SPTLC2: variants seen among roughly 807,000 people sequenced by gnomAD.
SPTLC2 encodes the protein serine palmitoyltransferase 2.
A neutral mutation model predicts 62.0 loss-of-function variants in SPTLC2; 21 were observed. The observed-to-expected ratio is 0.34, with a 90% CI of 0.24 to 0.49. The LOEUF (loss-of-function observed/expected upper bound fraction) is 0.49. Among genes scored for constraint, SPTLC2 ranks in the 20% least tolerant of loss-of-function variants. The probability of loss-of-function intolerance (pLI) is 0.99; values close to 1 mark genes in which losing one functional copy is unlikely to be tolerated. For missense variants in SPTLC2, 511 were observed against 713.0 expected (o/e 0.72, Z 3.23); for synonymous variants, 261 against 261.8 (o/e 1.00, Z 0.03).
At chr14:77,566,537 C>T (rs2079645894) in intron 5 of SPTLC2, among the ~76,000 whole-genome samples, 1 of 152,196 alleles carries the variant, frequency 6.6e-6, no homozygotes, top group Non-Finnish European at 1.5e-5. Flanking sequence ...GCAATCTCGG[C>T]TCACTGCAAG....
intron 1 of SPTLC2, among the ~76,000 whole-genome samples, chr14:77,608,241 A>G (rs1861942): frequency 0.41 from 62,602 of 152,072 alleles, 13,440 homozygotes; most frequent in East Asian, 0.63. Context: ...GTTTTAAACC[A>G]CTTGCAAACC....
At chr14:77,566,592 A>G (rs1449720152) in intron 5 of SPTLC2, among the ~76,000 whole-genome samples, 1 of 151,924 alleles carries the variant, frequency 6.6e-6, no homozygotes, top group Non-Finnish European at 1.5e-5. Flanking sequence ...CAGCCTCCCG[A>G]GTAGCTGGGA....
Position 77,564,237 on chromosome 14 carries a change from A to G in SPTLC2, c.757-1748T>C, listed in dbSNP as rs904461883. ...ACAGAGGGAGACTCTGTCTGGGGGG[A>G]AAAAAAAAAAAAAAAGGAGGAGGAG... On this transcript the variant is annotated intron_variant, in intron 5 of 11. Transcript: ENST00000216484. Among the ~76,000 whole-genome samples, 55 of 2,468 alleles carry G rather than the reference A, an allele frequency of 0.022. 1 individual carries two copies. In the East Asian group the frequency reaches 0.45, roughly 20 times the overall value. 1.6% of individuals were successfully genotyped at this position (2,468 alleles called of 152,430 possible). A position where few individuals can be genotyped will look rare whatever the true frequency, so the allele number is the denominator to read the frequency against.
intron 1 of SPTLC2, among the ~76,000 whole-genome samples, chr14:77,597,923 A>C (rs1253515772): frequency 1.3e-5 from 2 of 152,162 alleles, no homozygotes; most frequent in East Asian, 1.9e-4. Flanking sequence ...TGGGAGTTCA[A>C]GCCCAGCCTG....
At chr14:77,591,045 A>G (rs754237049) in intron 2 of SPTLC2, among the ~76,000 whole-genome samples, 2 of 152,220 alleles carry the variant, frequency 1.3e-5, no homozygotes, top group African/African-American at 2.4e-5. Context: ...GCTTCTTTGA[A>G]AGGTTTATTT....
chr14:77,510,995 G>C lies in SPTLC2; in HGVS notation c.*1289C>G, dbSNP rs2079329739. On this transcript the variant is annotated 3_prime_UTR_variant, in exon 12 of 12. Transcript: ENST00000216484. Reference sequence around the variant, plus strand: ...CTCTCTGAAAGAAGTCCCTTTACCTGGTTATAGTATGAAAACAGTCAAAAT... The same window carrying C: ...CTCTCTGAAAGAAGTCCCTTTACCTCGTTATAGTATGAAAACAGTCAAAAT... 6.6e-6 allele frequency: 1 copy of C among 152,550 alleles called. No homozygotes were observed. The highest frequency in any genetic ancestry group is 2.4e-5 in the African/African-American group (1 of 41,434). 9.4% of individuals were successfully genotyped at this position (152,550 alleles called of 1,614,324 possible). A position where few individuals can be genotyped will look rare whatever the true frequency, so the allele number is the denominator to read the frequency against.
chr14:77,586,648 A>G (rs2079783236), intron 2 of SPTLC2, among the ~76,000 whole-genome samples: 1 of 152,224 alleles, frequency 6.6e-6, no homozygotes, highest in African/African-American at 2.4e-5. Flanking sequence ...ACAAGCCACA[A>G]AAGAGGGATG....
chr14:77,538,617 C>T (rs916290429), intron 9 of SPTLC2, among the ~76,000 whole-genome samples: 7 of 152,140 alleles, frequency 4.6e-5, no homozygotes, highest in African/African-American at 1.7e-4. Context: ...GTTGCCCAGG[C>T]TGGAGTGCAG....
In SPTLC2 at chr14:77,506,961, C is replaced by T. The variant is rs1015873080; in HGVS notation, c.*5323G>A. ...TTAGGGTCAGTTTATTATAACTTAT[C>T]CTACCAGAAAGAATCACAGTTTAAG... On this transcript the variant is annotated 3_prime_UTR_variant, in exon 12 of 12. Transcript: ENST00000216484. 2 of 152,300 alleles carry T rather than the reference C, an allele frequency of 1.3e-5. No homozygotes were observed. The highest frequency in any genetic ancestry group is 4.8e-5 in the African/African-American group (2 of 41,558). 9.4% of individuals were successfully genotyped at this position (152,300 alleles called of 1,614,324 possible).
At chr14:77,567,384 T>G (rs1253150771) in intron 5 of SPTLC2, among the ~76,000 whole-genome samples, 1 of 152,250 alleles carries the variant, frequency 6.6e-6, no homozygotes, top group Non-Finnish European at 1.5e-5. Flanking sequence ...AATCCTCTAG[T>G]GTTAAAAATT....
chr14:77,506,826 C>T lies in SPTLC2; in HGVS notation c.*5458G>A, dbSNP rs2079308057. The T allele has an allele frequency of 6.6e-6, 1 of 152,246 alleles. No individual in the cohort carries two copies. Among genetic ancestry groups the T allele is most frequent in the Non-Finnish European group, 1.5e-5 (1 of 68,056 alleles). 9.4% of individuals were successfully genotyped at this position (152,246 alleles called of 1,614,324 possible). A position where few individuals can be genotyped will look rare whatever the true frequency, so the allele number is the denominator to read the frequency against. On this transcript the variant is annotated 3_prime_UTR_variant, in exon 12 of 12. Coordinates refer to ENST00000216484, the MANE Select transcript of SPTLC2 (RefSeq NM_004863.4). ...GAAAGCATAAGATCAAGGTACTGCTCTTATCTGCACCTTTCATTCAAGCTC... is the reference window on the plus strand; with the variant it reads ...GAAAGCATAAGATCAAGGTACTGCTTTTATCTGCACCTTTCATTCAAGCTC...
At chr14:77,560,202 C>T (rs568804245) in intron 6 of SPTLC2, among the ~76,000 whole-genome samples, 1 of 152,278 alleles carries the variant, frequency 6.6e-6, no homozygotes, top group East Asian at 1.9e-4. Flanking sequence ...AAAATTCATA[C>T]AAGATGCAAG....
At chr14:77,575,099 A>G (rs1268590307) in intron 4 of SPTLC2, among the ~76,000 whole-genome samples, 2 of 152,056 alleles carry the variant, frequency 1.3e-5, no homozygotes, top group Non-Finnish European at 2.9e-5. Flanking sequence ...GCGTGCACCT[A>G]TAGTCCTAAC....
At chr14:77,535,205 C>T (rs1490460782) in intron 9 of SPTLC2, among the ~76,000 whole-genome samples, 1 of 152,084 alleles carries the variant, frequency 6.6e-6, no homozygotes, top group Non-Finnish European at 1.5e-5. Flanking sequence ...AGGATTACAG[C>T]TGTGAGCCAC....
At chr14:77,604,149 T>C (rs1402727020) in intron 1 of SPTLC2, among the ~76,000 whole-genome samples, 1 of 152,244 alleles carries the variant, frequency 6.6e-6, no homozygotes, top group Non-Finnish European at 1.5e-5. Flanking sequence ...GTTGTGACTA[T>C]ATTTCCTGGA....
At position 77,600,644 on chromosome 14, in the gene SPTLC2, T is replaced by C. The variant is rs76911077; in HGVS notation, c.133-3264A>G. On this transcript the variant is annotated intron_variant, in intron 1 of 11. Coordinates refer to ENST00000216484, the MANE Select transcript of SPTLC2 (RefSeq NM_004863.4). ...CACTTAATAACATTTCGTATCAGTC[T>C]GTTCACAGTCTGTTCACATTAAGCA... Among the ~76,000 whole-genome samples, 669 of 152,352 alleles carry C rather than the reference T, an allele frequency of 4.4e-3. 6 individuals are homozygous for C. The highest frequency in any genetic ancestry group is 0.015 in the African/African-American group (641 of 41,590).
chr14:77,537,888 ATTC>A (rs145804925), intron 9 of SPTLC2, among the ~76,000 whole-genome samples: 3,406 of 152,306 alleles, frequency 0.022, 105 homozygotes, highest in African/African-American at 0.077. Context: ...TTGTTCATGT[ATTC>A]TTCTCTTAAA....
At chr14:77,564,540 A>G (rs149039412) in intron 5 of SPTLC2, among the ~76,000 whole-genome samples, 118 of 152,130 alleles carry the variant, frequency 7.8e-4, no homozygotes, top group African/African-American at 2.7e-3. Flanking sequence ...CTCCTTCAGC[A>G]ATAAACACAC....
chr14:77,600,567 T>C (rs1019873386), intron 1 of SPTLC2, among the ~76,000 whole-genome samples: 20 of 152,256 alleles, frequency 1.3e-4, no homozygotes, highest in African/African-American at 4.6e-4. Flanking sequence ...TTGCTCATTA[T>C]TGCACGTCTA....
Sources: gnomAD v4.1 joint callset for allele counts (sites outside exome capture counted in the v4.1 genomes callset) on GRCh38, gnomAD v4.1.1 for gene constraint, MANE v1.5 for transcripts, NCBI Gene and HGNC (gene_info 2026-07-23, HGNC 2026-07-21) for gene names.